The following PSMA6 variants were observed in gnomAD, a reference collection of about 807,000 sequenced individuals.
The protein encoded by PSMA6 is proteasome subunit alpha type-6.
For missense variants in PSMA6, 170 were observed against 294.8 expected (o/e 0.58, Z 3.10); for synonymous variants, 88 against 97.7 (o/e 0.90, Z 0.59).
chr14:35,292,166 AATTC>A (rs1458825508), upstream of PSMA6, among the ~76,000 whole-genome samples: 1 of 152,218 alleles, frequency 6.6e-6, no homozygotes, highest in Non-Finnish European at 1.5e-5. Context: ...TGCTATAGTC[AATTC>A]ATTCTCCAGA....
chr14:35,279,299 G>A (rs1193882445), intron 1 of PSMA6, among the ~76,000 whole-genome samples: 4 of 151,922 alleles, frequency 2.6e-5, no homozygotes, highest in African/African-American at 4.8e-5. Context: ...CGCCCACCTC[G>A]ACCTCCCAAA....
intron 6 of PSMA6, chr14:35,315,051 G>T (rs554974079): frequency 2.6e-5 from 4 of 151,720 alleles, no homozygotes; most frequent in African/African-American, 9.7e-5. Context: ...AATCCATACT[G>T]AGTGCTTCGT....
chr14:35,291,551 CTG>C (rs1566550539), upstream of PSMA6, among the ~76,000 whole-genome samples: 1 of 150,034 alleles, frequency 6.7e-6, no homozygotes, highest in African/African-American at 2.4e-5. Context: ...TGCCTGGGCA[CTG>C]TGGCTCAAGC....
intron 1 of PSMA6, among the ~76,000 whole-genome samples, chr14:35,286,955 C>T (rs2051427004): frequency 6.6e-6 from 1 of 152,030 alleles, no homozygotes; most frequent in Non-Finnish European, 1.5e-5. Flanking sequence ...ATGTAAGTTG[C>T]CTCATGTAAG....
intron 1 of PSMA6, among the ~76,000 whole-genome samples, chr14:35,292,777 C>T (rs186787259): frequency 1.3e-5 from 2 of 152,334 alleles, no homozygotes; most frequent in East Asian, 3.9e-4. Flanking sequence ...GGCCACACTG[C>T]GTAGACCCAA....
At chr14:35,309,531 C>T (rs1182646065) in intron 3 of PSMA6, among the ~76,000 whole-genome samples, 1 of 151,800 alleles carries the variant, frequency 6.6e-6, no homozygotes, top group Admixed American at 6.6e-5. Flanking sequence ...GTGGCTCACA[C>T]CTGTAATCCC....
chr14:35,292,644 G>A, intron 1 of PSMA6, 92 bp downstream of exon 1: 1 of 1,552,224 alleles, frequency 6.4e-7, no homozygotes, highest in Non-Finnish European at 8.7e-7. Flanking sequence ...TTTAGTCTGG[G>A]GCCGAAGCTG....
intron 1 of PSMA6, among the ~76,000 whole-genome samples, chr14:35,285,081 G>A (rs969247540): frequency 2.6e-5 from 4 of 152,056 alleles, no homozygotes; most frequent in East Asian, 1.9e-4. Flanking sequence ...AGTCAGGTGC[G>A]ATGACTGTAA....
intron 2 of PSMA6, chr14:35,308,505 A>G: frequency 5.2e-6 from 1 of 193,274 alleles, no homozygotes; most frequent in Non-Finnish European, 1.1e-5. Context: ...ATATTAACAT[A>G]ATCTTGCTTT....
upstream of PSMA6, among the ~76,000 whole-genome samples, chr14:35,291,409 A>T (rs1175272141): frequency 4.6e-5 from 7 of 151,914 alleles, no homozygotes; most frequent in East Asian, 1.4e-3. Context: ...TTTAGTAGAG[A>T]CGGGGTTTCA....
At chr14:35,307,688 C>G (rs1419212604) in intron 1 of PSMA6, among the ~76,000 whole-genome samples, 2 of 151,982 alleles carry the variant, frequency 1.3e-5, no homozygotes, top group East Asian at 3.9e-4. Context: ...GAGCTCAGGT[C>G]GCACCACTGC....
upstream of PSMA6, chr14:35,292,367 C>T (rs2277460): frequency 9.2e-4 from 1,402 of 1,528,254 alleles, 23 homozygotes; most frequent in East Asian, 0.027. Flanking sequence ...GCGGAAGAAA[C>T]GCGGCTGGTA....
intron 5 of PSMA6, chr14:35,314,030 A>G (rs759679889): frequency 6.3e-6 from 1 of 157,834 alleles, no homozygotes; most frequent in African/African-American, 2.4e-5. Flanking sequence ...AATTCCTTGA[A>G]GATGCAGAGA....
chr14:35,293,128 C>G (rs2051520356), intron 1 of PSMA6: 4 of 429,684 alleles, frequency 9.3e-6, no homozygotes, highest in Admixed American at 5.2e-5. Flanking sequence ...TGCCAATTTA[C>G]AAATATCTAC....
upstream of PSMA6, among the ~76,000 whole-genome samples, chr14:35,289,148 G>A (rs1333017560): frequency 6.6e-6 from 1 of 152,082 alleles, no homozygotes; most frequent in Non-Finnish European, 1.5e-5. Context: ...AAATAAAAAA[G>A]GATGAACTAA....
At chr14:35,288,667 T>C (rs942956263), upstream of PSMA6, among the ~76,000 whole-genome samples, 1 of 152,156 alleles carries the variant, frequency 6.6e-6, no homozygotes, top group African/African-American at 2.4e-5. Flanking sequence ...CCATCCAAAA[T>C]CCTATGCCCA....
At chr14:35,306,714 C>T (rs1038328570) in intron 1 of PSMA6, among the ~76,000 whole-genome samples, 2 of 151,948 alleles carry the variant, frequency 1.3e-5, no homozygotes, top group Admixed American at 6.6e-5. Context: ...ATCTTACTGT[C>T]GAAAGACAGC....
At chr14:35,301,151 T>C (rs1010350854) in intron 1 of PSMA6, among the ~76,000 whole-genome samples, 1 of 151,918 alleles carries the variant, frequency 6.6e-6, no homozygotes, top group Non-Finnish European at 1.5e-5. Context: ...GTGAAGAAGA[T>C]TGAGAAGGGA....
intron 1 of PSMA6, among the ~76,000 whole-genome samples, chr14:35,304,317 A>G (rs2051779192): frequency 6.6e-6 from 1 of 152,166 alleles, no homozygotes; most frequent in Admixed American, 6.5e-5. Flanking sequence ...TACATAGGCG[A>G]TGTGCAAATA....
Sources: gnomAD v4.1 joint callset for allele counts (sites outside exome capture counted in the v4.1 genomes callset) on GRCh38, gnomAD v4.1.1 for gene constraint, MANE v1.5 for transcripts, NCBI Gene and HGNC (gene_info 2026-07-23, HGNC 2026-07-21) for gene names.